Variants in NTM observed in about 807,000 individuals in gnomAD.
The protein encoded by NTM is neurotrimin, also known as IgLON family member 2.
In NTM, 13 loss-of-function variants were observed where a neutral mutation model predicts 42.1. That is an observed-to-expected ratio of 0.31 (90% CI 0.20 to 0.49). The LOEUF (loss-of-function observed/expected upper bound fraction) is 0.49. Ranked by LOEUF, NTM falls within the 20% of genes least tolerant of loss-of-function variation. NTM has a pLI of 0.99. For missense variants in NTM, 373 were observed against 452.8 expected (o/e 0.82, Z 1.60); for synonymous variants, 187 against 179.2 (o/e 1.04, Z -0.35).
intron 1 of NTM, among the ~76,000 whole-genome samples, chr11:131,684,538 C>T (rs906738789): frequency 1.3e-5 from 2 of 152,226 alleles, no homozygotes; most frequent in Admixed American, 6.5e-5. Context: ...TCTCTGTCCT[C>T]TGGCTGACAC....
intron 2 of NTM, among the ~76,000 whole-genome samples, chr11:131,947,030 A>G (rs781563907): frequency 1.6e-4 from 25 of 152,222 alleles, no homozygotes; most frequent in Non-Finnish European, 3.4e-4. Flanking sequence ...GGAAGGTACA[A>G]TGGAATGGAA....
intron 1 of NTM, among the ~76,000 whole-genome samples, chr11:131,890,489 A>AGACGAGGAAAC (rs2051154590): frequency 6.6e-6 from 1 of 152,190 alleles, no homozygotes; most frequent in Non-Finnish European, 1.5e-5. Flanking sequence ...ACAGTAGAGG[A>AGACGAGGAAAC]GACGAGGAAA....
At chr11:132,026,673 G>T (rs2075225976) in intron 2 of NTM, among the ~76,000 whole-genome samples, 1 of 152,220 alleles carries the variant, frequency 6.6e-6, no homozygotes, top group African/African-American at 2.4e-5. Context: ...GCAGCAATTG[G>T]TGTTGAGAAC....
At chr11:132,048,998 G>A (rs1007533762) in intron 2 of NTM, among the ~76,000 whole-genome samples, 1 of 151,460 alleles carries the variant, frequency 6.6e-6, no homozygotes, top group Non-Finnish European at 1.5e-5. Context: ...CAGGATTTTT[G>A]TTTTTATTTT....
chr11:131,617,331 C>T (rs1167032752), intron 1 of NTM, among the ~76,000 whole-genome samples: 2 of 152,094 alleles, frequency 1.3e-5, no homozygotes, highest in Non-Finnish European at 2.9e-5. Context: ...ACGTGTGCTT[C>T]GTACGTGCAT....
intron 2 of NTM, among the ~76,000 whole-genome samples, chr11:132,132,413 A>C (rs1244775519): frequency 6.6e-6 from 1 of 152,234 alleles, no homozygotes; most frequent in Non-Finnish European, 1.5e-5. Context: ...TTGTATCATA[A>C]GCTCCTAAAA....
intron 7 of NTM, among the ~76,000 whole-genome samples, chr11:132,321,614 A>T (rs1482089035): frequency 1.3e-5 from 2 of 152,212 alleles, no homozygotes; most frequent in African/African-American, 2.4e-5. Context: ...GCAGAATATT[A>T]TCCAGGAGAA....
At chr11:131,623,647 A>G (rs2062801797) in intron 1 of NTM, among the ~76,000 whole-genome samples, 2 of 152,332 alleles carry the variant, frequency 1.3e-5, no homozygotes, top group African/African-American at 2.4e-5. Flanking sequence ...ACGCGGATGG[A>G]GGACACTTGC....
chr11:132,056,571 GTCAATGAATGAATTAA>G (rs2079699623), intron 2 of NTM, among the ~76,000 whole-genome samples: 2 of 152,156 alleles, frequency 1.3e-5, no homozygotes, highest in African/African-American at 4.8e-5. Flanking sequence ...GAATGAATAC[GTCAATGAATGAATTAA>G]TCAATGAATG....
chr11:132,209,494 G>T (rs2082493604), intron 3 of NTM, among the ~76,000 whole-genome samples: 1 of 152,158 alleles, frequency 6.6e-6, no homozygotes, highest in Non-Finnish European at 1.5e-5. Context: ...ATGATTAACT[G>T]TTGCTTACTC....
At chr11:131,979,616 C>T (rs543901213) in intron 2 of NTM, among the ~76,000 whole-genome samples, 1 of 152,172 alleles carries the variant, frequency 6.6e-6, no homozygotes, top group East Asian at 1.9e-4. Context: ...AATTCATTGT[C>T]TGGTAATCCA....
At chr11:131,490,519 T>C (rs539915299) in intron 1 of NTM, among the ~76,000 whole-genome samples, 1 of 152,306 alleles carries the variant, frequency 6.6e-6, no homozygotes, top group Non-Finnish European at 1.5e-5. Flanking sequence ...GTTGGAGTCA[T>C]TTCCATGGCT....
chr11:131,451,023 G>A (rs759198102), intron 1 of NTM, among the ~76,000 whole-genome samples: 4 of 151,862 alleles, frequency 2.6e-5, no homozygotes, highest in Non-Finnish European at 4.4e-5. Context: ...ACAGTCTATA[G>A]ACATCAAAAT....
intron 1 of NTM, among the ~76,000 whole-genome samples, chr11:131,467,627 C>G (rs1360396729): frequency 6.6e-6 from 1 of 152,202 alleles, no homozygotes; most frequent in African/African-American, 2.4e-5. Context: ...CAGTGTTACT[C>G]AAACTGCAGG....
intron 1 of NTM, among the ~76,000 whole-genome samples, chr11:131,523,115 C>T (rs1175884872): frequency 6.6e-6 from 1 of 152,174 alleles, no homozygotes; most frequent in African/African-American, 2.4e-5. Context: ...CTTAGTGTCC[C>T]TTTTTCTGGA....
At chr11:131,673,800 G>T (rs2070852052) in intron 1 of NTM, among the ~76,000 whole-genome samples, 1 of 152,126 alleles carries the variant, frequency 6.6e-6, no homozygotes, top group East Asian at 1.9e-4. Context: ...GAGATCTCAC[G>T]TTTGCAGAAG....
At chr11:131,478,292 T>G (rs1953172989) in intron 1 of NTM, among the ~76,000 whole-genome samples, 1 of 152,212 alleles carries the variant, frequency 6.6e-6, no homozygotes, top group African/African-American at 2.4e-5. Context: ...CCTTTCTCTT[T>G]GTTACGTGGC....
chr11:131,846,388 CTTTG>C (rs2044906182), intron 1 of NTM, among the ~76,000 whole-genome samples: 1 of 151,840 alleles, frequency 6.6e-6, no homozygotes, highest in African/African-American at 2.4e-5. Flanking sequence ...CAAATTATTC[CTTTG>C]TTTTATATAT....
intron 2 of NTM, among the ~76,000 whole-genome samples, chr11:132,033,237 T>C (rs116325181): frequency 0.014 from 2,116 of 152,298 alleles, 50 homozygotes; most frequent in African/African-American, 0.048. Flanking sequence ...CATCCCCAGC[T>C]AGATGATGAG....
Sources: allele counts gnomAD v4.1 joint callset (sites outside exome capture counted in the v4.1 genomes callset), GRCh38; gene constraint gnomAD v4.1.1; transcripts MANE v1.5; gene names NCBI Gene and HGNC (gene_info 2026-07-23, HGNC 2026-07-21).